Variants in CORIN observed in about 807,000 individuals in gnomAD.
CORIN encodes atrial natriuretic peptide-converting enzyme.
CORIN carries 117 observed loss-of-function variants against 125.3 expected under a neutral mutation model. The observed-to-expected ratio is 0.93, with a 90% confidence interval of 0.80 to 1.09. The LOEUF is 1.09. CORIN is among the 50% of genes least tolerant of loss of function. The pLI is 0.00. For synonymous variants in CORIN, 450 were observed against 466.4 expected, an observed-to-expected ratio of 0.96 and a Z score of 0.45; for missense variants, 1,253 against 1,306.7, an observed-to-expected ratio of 0.96 and a Z score of 0.63.
chr4:47,666,581 G>A (rs1349030146), intron 10 of CORIN, among the ~76,000 whole-genome samples: 1 of 152,204 alleles, frequency 6.6e-6, no homozygotes, highest in Non-Finnish European at 1.5e-5. Context: ...CCTGCAATGT[G>A]ATAGTATTTG....
intron 3 of CORIN, among the ~76,000 whole-genome samples, chr4:47,785,967 C>T (rs1577921529): frequency 6.7e-6 from 1 of 150,246 alleles, no homozygotes; most frequent in East Asian, 1.9e-4. Flanking sequence ...AATCACTCAG[C>T]ATCCTGTTAT....
At chr4:47,696,938 G>A (rs951698295) in intron 5 of CORIN, among the ~76,000 whole-genome samples, 1 of 152,064 alleles carries the variant, frequency 6.6e-6, no homozygotes, top group Non-Finnish European at 1.5e-5. Flanking sequence ...GGACTGTATG[G>A]TGCCCTTACT....
At chr4:47,669,600 G>T (rs570181754) in intron 10 of CORIN, among the ~76,000 whole-genome samples, 5 of 140,326 alleles carry the variant, frequency 3.6e-5, no homozygotes, top group Non-Finnish European at 4.5e-5. Context: ...ACAGAGTCTC[G>T]CTCTGTCACC....
chr4:47,644,276 T>A (rs1011071692), intron 14 of CORIN, among the ~76,000 whole-genome samples: 2 of 152,202 alleles, frequency 1.3e-5, no homozygotes, highest in Admixed American at 1.3e-4. Flanking sequence ...GTGCCCCAGA[T>A]GCCCTTGGTA....
At chr4:47,812,968 A>G (rs55684720) in intron 1 of CORIN, among the ~76,000 whole-genome samples, 24,136 of 152,186 alleles carry the variant, frequency 0.16, 2,115 homozygotes, top group East Asian at 0.33. Context: ...ATAAATAATA[A>G]CCACAATTGC....
intron 13 of CORIN, among the ~76,000 whole-genome samples, chr4:47,652,962 C>T (rs1018179660): frequency 1.2e-4 from 19 of 152,142 alleles, no homozygotes; most frequent in Admixed American, 2.6e-4. Flanking sequence ...AGGTGCTTCT[C>T]CTTTTAATAA....
At chr4:47,628,359 G>A (rs1300458110) in intron 16 of CORIN, among the ~76,000 whole-genome samples, 1 of 151,862 alleles carries the variant, frequency 6.6e-6, no homozygotes, top group Non-Finnish European at 1.5e-5. Context: ...GGGGTGTAAT[G>A]TAATGTTTGA....
At chr4:47,668,172 G>A (rs1303224364) in intron 10 of CORIN, among the ~76,000 whole-genome samples, 2 of 152,184 alleles carry the variant, frequency 1.3e-5, no homozygotes, top group African/African-American at 4.8e-5. Flanking sequence ...ATAATGATTT[G>A]TTATAGCAGT....
At chr4:47,679,249 G>C (rs1393863122) in intron 8 of CORIN, among the ~76,000 whole-genome samples, 1 of 152,104 alleles carries the variant, frequency 6.6e-6, no homozygotes, top group East Asian at 1.9e-4. Flanking sequence ...TATTTTCCAG[G>C]GGGAAAAAGT....
At chr4:47,831,106 G>A (rs1732971992) in intron 1 of CORIN, among the ~76,000 whole-genome samples, 1 of 152,218 alleles carries the variant, frequency 6.6e-6, no homozygotes, top group Admixed American at 6.5e-5. Flanking sequence ...CTCTTACAGA[G>A]TTTCAGCACT....
intron 3 of CORIN, among the ~76,000 whole-genome samples, chr4:47,765,357 T>A (rs1369599954): frequency 6.6e-6 from 1 of 152,200 alleles, no homozygotes; most frequent in African/African-American, 2.4e-5. Flanking sequence ...ATATTAGCAT[T>A]TGGAGAGCTT....
At chr4:47,737,336 T>C (rs575583472) in intron 5 of CORIN, among the ~76,000 whole-genome samples, 1 of 152,344 alleles carries the variant, frequency 6.6e-6, no homozygotes, top group South Asian at 2.1e-4. Context: ...CATATATGTC[T>C]ACCCTTCAAG....
chr4:47,625,195 C>T (rs896254762), intron 17 of CORIN, among the ~76,000 whole-genome samples: 1 of 152,102 alleles, frequency 6.6e-6, no homozygotes, highest in Non-Finnish European at 1.5e-5. Context: ...CATTTCCCCT[C>T]ATTCACTTCT....
intron 4 of CORIN, among the ~76,000 whole-genome samples, chr4:47,745,413 GAAAAT>G (rs1039188501): frequency 1.8e-4 from 28 of 152,350 alleles, no homozygotes; most frequent in African/African-American, 5.8e-4. Flanking sequence ...AACTGGGAAA[GAAAAT>G]AGACATGTCA....
At chr4:47,653,093 G>A (rs1723807682) in intron 13 of CORIN, among the ~76,000 whole-genome samples, 2 of 152,196 alleles carry the variant, frequency 1.3e-5, no homozygotes, top group Admixed American at 1.3e-4. Flanking sequence ...GATATTTTGA[G>A]ACAGAGAGAG....
rs1461657341 is a variant in CORIN at position 47,727,110 on chromosome 4, T to C, written c.799+17292A>G. ...AGTAAGGTGCTTTCCAAGTCTGTGC[T>C]TTCAAAAATGGAAGGAGAATCTAAT... On this transcript the variant is annotated intron_variant, in intron 5 of 21. Coordinates refer to ENST00000273857, the MANE Select transcript of CORIN (RefSeq NM_006587.4). Among the ~76,000 whole-genome samples the C allele has an allele frequency of 2.0e-5, 3 of 152,002 alleles. No homozygotes were observed. The East Asian group carries it at 5.8e-4, about 29-fold the overall frequency.
Position 47,744,340 on chromosome 4 carries a change from C to T in CORIN, c.799+62G>A, listed in dbSNP as rs1040280531. ...TGTACACTTATTATTTATATCCATTCCTGTATAAATGGCATACTCAAATAA... is the reference window on the plus strand; with the variant it reads ...TGTACACTTATTATTTATATCCATTTCTGTATAAATGGCATACTCAAATAA... On this transcript the variant is annotated intron_variant, in intron 5 of 21. Transcript: ENST00000273857. 3 of 1,407,444 alleles carry T rather than the reference C, an allele frequency of 2.1e-6. No homozygotes were observed. The African/African-American group carries it at 4.3e-5, about 20-fold the overall frequency. The allele number at this position is 1,407,444 out of a possible 1,614,324, so 87.2% of individuals were successfully genotyped here.
rs1369755684 is a variant in CORIN at position 47,665,738 on chromosome 4, G to A, written c.1358-475C>T. Among the ~76,000 whole-genome samples the A allele has an allele frequency of 2.0e-5, 3 of 152,200 alleles. No homozygotes were observed. The East Asian group carries it at 5.8e-4, about 29-fold the overall frequency. On this transcript the variant is annotated intron_variant, in intron 10 of 21. Coordinates refer to ENST00000273857, the MANE Select transcript of CORIN (RefSeq NM_006587.4). ...TGTTGATTAATGTGTTTAAATATAAGGCTACAAGATTTCAGGGCAAGAGGA... is the reference window on the plus strand; with the variant it reads ...TGTTGATTAATGTGTTTAAATATAAAGCTACAAGATTTCAGGGCAAGAGGA...
At position 47,623,690 on chromosome 4, in the gene CORIN, C is replaced by G. The variant is rs749700191; in HGVS notation, c.2421G>C (p.Thr807=). The G allele has an allele frequency of 3.1e-6, 5 of 1,614,114 alleles. No individual in the cohort carries two copies. The highest frequency in any genetic ancestry group is 4.2e-6 in the Non-Finnish European group (5 of 1,180,040). Residue 807 remains threonine, a synonymous_variant, in exon 19 of 22, where the codon ACG becomes ACC. Coordinates refer to ENST00000273857, the MANE Select transcript of CORIN (RefSeq NM_006587.4). ...GCCATGGCCACCTTCCAGGGCGACT[C>G]GTCCGACCTCCAAGGATCCTTTTGT... is the stretch of plus-strand genomic sequence containing the variant. ...RMNKRILGGR[T]SRPGRWPWQC...
Sources: gnomAD v4.1 joint callset for allele counts (sites outside exome capture counted in the v4.1 genomes callset) on GRCh38, gnomAD v4.1.1 for gene constraint, MANE v1.5 for transcripts, NCBI Gene and HGNC (gene_info 2026-07-23, HGNC 2026-07-21) for gene names.